GRM8: variants seen among roughly 807,000 people sequenced by gnomAD.
GRM8 encodes the protein glutamate metabotropic receptor 8.
Under a neutral mutation model 87.2 loss-of-function variants are expected in GRM8, and 47 were observed. That is an observed-to-expected ratio of 0.54 (90% confidence interval 0.43 to 0.69). The LOEUF (loss-of-function observed/expected upper bound fraction) is 0.69. GRM8 is among the 30% of genes least tolerant of loss of function. The probability of loss-of-function intolerance (pLI) is 0.00; values close to 1 mark genes in which losing one functional copy is unlikely to be tolerated. For synonymous variants in GRM8, 396 were observed against 404.5 expected, an observed-to-expected ratio of 0.98 and a Z score of 0.25; for missense variants, 1,019 against 1,139.2, an observed-to-expected ratio of 0.89 and a Z score of 1.52.
chr7:126,815,635 A>T (rs1004143564), intron 6 of GRM8, among the ~76,000 whole-genome samples: 1 of 152,164 alleles, frequency 6.6e-6, no homozygotes. Context: ...CTACCTTATG[A>T]AAAAGCTACC....
intron 3 of GRM8, among the ~76,000 whole-genome samples, chr7:126,988,011 C>T (rs1247524976): frequency 6.6e-6 from 1 of 151,994 alleles, no homozygotes; most frequent in Non-Finnish European, 1.5e-5. Flanking sequence ...TGGTCCTCTC[C>T]ATCTTGGCAC....
chr7:127,004,853 C>T (rs1334334404), intron 3 of GRM8, among the ~76,000 whole-genome samples: 2 of 150,884 alleles, frequency 1.3e-5, no homozygotes, highest in East Asian at 3.9e-4. Context: ...TTTATAAAAG[C>T]AATACAGTCA....
chr7:126,948,929 A>C (rs574245979), intron 3 of GRM8, among the ~76,000 whole-genome samples: 1 of 152,204 alleles, frequency 6.6e-6, no homozygotes, highest in East Asian at 1.9e-4. Flanking sequence ...AGTGACACTA[A>C]GGTAGTAAAT....
chr7:127,110,873 C>T (rs1826282611), intron 2 of GRM8, among the ~76,000 whole-genome samples: 1 of 152,136 alleles, frequency 6.6e-6, no homozygotes, highest in Admixed American at 6.5e-5. Flanking sequence ...GGATAGCAGG[C>T]TCTCTCTTTA....
chr7:126,589,620 C>A (rs997620293), intron 8 of GRM8, among the ~76,000 whole-genome samples: 1 of 152,212 alleles, frequency 6.6e-6, no homozygotes, highest in African/African-American at 2.4e-5. Context: ...TATACTACCA[C>A]GGCTCATGCT....
chr7:126,877,779 G>A (rs1799658705), intron 6 of GRM8, among the ~76,000 whole-genome samples: 2 of 152,140 alleles, frequency 1.3e-5, no homozygotes, highest in Admixed American at 1.3e-4. Flanking sequence ...TCCCCATGTT[G>A]TTTTGTTCTG....
intron 6 of GRM8, among the ~76,000 whole-genome samples, chr7:126,858,999 A>G (rs1444267335): frequency 6.7e-6 from 1 of 149,692 alleles, no homozygotes; most frequent in East Asian, 2.0e-4. Flanking sequence ...CACCCCACAC[A>G]CACCACCTTC....
chr7:126,894,694 T>C (rs1200186998), intron 6 of GRM8, among the ~76,000 whole-genome samples: 1 of 151,976 alleles, frequency 6.6e-6, no homozygotes, highest in African/African-American at 2.4e-5. Context: ...TACTGGCCCA[T>C]ATACCAGGAA....
At chr7:126,700,156 T>G (rs1436635927) in intron 7 of GRM8, among the ~76,000 whole-genome samples, 1 of 152,154 alleles carries the variant, frequency 6.6e-6, no homozygotes, top group Non-Finnish European at 1.5e-5. Context: ...AACTGCAGGT[T>G]GTATTATGTC....
chr7:126,969,818 T>G (rs1037423122), intron 3 of GRM8, among the ~76,000 whole-genome samples: 6 of 152,154 alleles, frequency 3.9e-5, no homozygotes, highest in Non-Finnish European at 5.9e-5. Flanking sequence ...ACCTATAACC[T>G]TAAAAAAATG....
At chr7:127,223,020 G>A (rs1797033384) in intron 2 of GRM8, among the ~76,000 whole-genome samples, 1 of 152,150 alleles carries the variant, frequency 6.6e-6, no homozygotes, top group African/African-American at 2.4e-5. Context: ...AAGAAGAAGA[G>A]CATCTGGTGT....
intron 3 of GRM8, among the ~76,000 whole-genome samples, chr7:126,995,863 A>C (rs1465063281): frequency 1.3e-5 from 2 of 152,094 alleles, no homozygotes; most frequent in African/African-American, 4.8e-5. Flanking sequence ...AAGTACAAGA[A>C]GGTTATAGAA....
chr7:126,528,077 G>A (rs1178203333), intron 9 of GRM8, among the ~76,000 whole-genome samples: 1 of 152,058 alleles, frequency 6.6e-6, no homozygotes, highest in Non-Finnish European at 1.5e-5. Context: ...GGTGGCGTGT[G>A]CCTGTAGTCC....
chr7:126,615,602 T>C (rs947604903), intron 7 of GRM8, among the ~76,000 whole-genome samples: 14 of 152,044 alleles, frequency 9.2e-5, no homozygotes, highest in African/African-American at 3.4e-4. Flanking sequence ...GAGTCAAGAC[T>C]GATCAGAGTG....
At chr7:127,178,291 C>CA (rs1447379791) in intron 2 of GRM8, among the ~76,000 whole-genome samples, 2 of 151,842 alleles carry the variant, frequency 1.3e-5, no homozygotes, top group Non-Finnish European at 1.5e-5. Context: ...TAACCCAATC[C>CA]AAAAAAGACA....
At chr7:126,694,115 T>C (rs995218411) in intron 7 of GRM8, among the ~76,000 whole-genome samples, 4 of 151,336 alleles carry the variant, frequency 2.6e-5, no homozygotes, top group Admixed American at 2.0e-4. Context: ...AACTAAACTA[T>C]ATATAGTTAT....
chr7:126,738,592 A>T (rs1814515856), intron 7 of GRM8, among the ~76,000 whole-genome samples: 1 of 151,620 alleles, frequency 6.6e-6, no homozygotes, highest in Non-Finnish European at 1.5e-5. Flanking sequence ...AGTGAAGGAT[A>T]CAGTTGGAGA....
At chr7:126,875,297 G>C (rs1799440926) in intron 6 of GRM8, among the ~76,000 whole-genome samples, 1 of 150,800 alleles carries the variant, frequency 6.6e-6, no homozygotes, top group African/African-American at 2.4e-5. Context: ...AAAACAAACA[G>C]AATAAACTGT....
intron 7 of GRM8, among the ~76,000 whole-genome samples, chr7:126,742,343 C>T (rs1307914103): frequency 6.6e-6 from 1 of 152,000 alleles, no homozygotes; most frequent in South Asian, 2.1e-4. Context: ...TATGTACCAC[C>T]AGAGAGGCTG....
Sources: gnomAD v4.1 joint callset for allele counts (sites outside exome capture counted in the v4.1 genomes callset) on GRCh38, gnomAD v4.1.1 for gene constraint, MANE v1.5 for transcripts, NCBI Gene and HGNC (gene_info 2026-07-23, HGNC 2026-07-21) for gene names.